GRIA2: variants seen among roughly 807,000 people sequenced by gnomAD.
GRIA2 encodes the protein glutamate ionotropic receptor AMPA type subunit 2.
GRIA2 carries 14 observed loss-of-function variants against 97.3 expected under a neutral mutation model. The ratio of observed to expected loss-of-function variants is 0.14; its 90% CI spans 0.10 to 0.23. The LOEUF (loss-of-function observed/expected upper bound fraction) is 0.23. Among genes scored for constraint, GRIA2 ranks in the 10% least tolerant of loss-of-function variants. GRIA2 has a pLI of 1.00. For synonymous variants in GRIA2, 412 were observed against 387.8 expected, an observed-to-expected ratio of 1.06 and a Z score of -0.73; for missense variants, 558 against 1,069.8, an observed-to-expected ratio of 0.52 and a Z score of 6.67.
At chr4:157,257,540 T>G (rs1384828515) in intron 2 of GRIA2, among the ~76,000 whole-genome samples, 3 of 152,096 alleles carry the variant, frequency 2.0e-5, no homozygotes, top group Admixed American at 6.6e-5. Flanking sequence ...AACGAAAAAT[T>G]TCTGAAAATC....
chr4:157,362,577 C>T, intron 14 of GRIA2: 1 of 605,236 alleles, frequency 1.7e-6, no homozygotes, highest in South Asian at 1.8e-5. Context: ...TTATTCCCTG[C>T]AGGTAGTCGA....
chr4:157,256,199 T>G (rs1561013124), intron 2 of GRIA2, among the ~76,000 whole-genome samples: 1 of 135,288 alleles, frequency 7.4e-6, no homozygotes, highest in Non-Finnish European at 1.5e-5. Flanking sequence ...TAACATATAT[T>G]ACATATATAT....
At chr4:157,362,318 T>C in intron 14 of GRIA2, 1 of 448,816 alleles carries the variant, frequency 2.2e-6, no homozygotes. Context: ...GGATTGGAAA[T>C]GTGGTCAGTC....
intron 2 of GRIA2, among the ~76,000 whole-genome samples, chr4:157,263,808 C>T (rs1215015405): frequency 6.6e-6 from 1 of 152,046 alleles, no homozygotes; most frequent in Non-Finnish European, 1.5e-5. Flanking sequence ...AGATGAAGTT[C>T]TCTTCCCCAA....
intron 12 of GRIA2, among the ~76,000 whole-genome samples, chr4:157,351,644 C>T (rs1736015234): frequency 1.3e-5 from 2 of 152,120 alleles, no homozygotes; most frequent in Admixed American, 6.5e-5. Flanking sequence ...GAATTGCAAT[C>T]CCTATAATCC....
intron 3 of GRIA2, among the ~76,000 whole-genome samples, chr4:157,310,964 T>C (rs1032760069): frequency 3.3e-5 from 5 of 152,084 alleles, no homozygotes; most frequent in Non-Finnish European, 7.4e-5. Context: ...GTGGGTTGAA[T>C]ATTATCATTT....
At chr4:157,255,947 G>A (rs193288535) in intron 2 of GRIA2, among the ~76,000 whole-genome samples, 157 of 150,676 alleles carry the variant, frequency 1.0e-3, no homozygotes, top group Non-Finnish European at 1.8e-3. Context: ...AAAATAAAAC[G>A]TCAATGAGAT....
intron 2 of GRIA2, among the ~76,000 whole-genome samples, chr4:157,297,112 T>C (rs1026354819): frequency 2.0e-5 from 3 of 152,030 alleles, no homozygotes; most frequent in Admixed American, 1.3e-4. Flanking sequence ...TGAAGGAGGC[T>C]TTTTGAGAGG....
intron 2 of GRIA2, among the ~76,000 whole-genome samples, chr4:157,280,590 A>T (rs996394966): frequency 6.6e-6 from 1 of 151,910 alleles, no homozygotes; most frequent in African/African-American, 2.4e-5. Context: ...TCTGTTAGTG[A>T]GTCAGCTGGG....
At chr4:157,334,186 T>A (rs2126935252) in intron 9 of GRIA2, 66 bp downstream of exon 9, 1 of 797,548 alleles carries the variant, frequency 1.3e-6, no homozygotes, top group Non-Finnish European at 2.2e-6. Flanking sequence ...CAGGAGTAGC[T>A]ATTTATATTT....
At chr4:157,251,492 T>C (rs1400734767) in intron 2 of GRIA2, among the ~76,000 whole-genome samples, 1 of 152,138 alleles carries the variant, frequency 6.6e-6, no homozygotes, top group Non-Finnish European at 1.5e-5. Context: ...CACTGGAGTC[T>C]GTACAGTTAA....
At chr4:157,339,128 G>A (rs1282440899) in intron 11 of GRIA2, among the ~76,000 whole-genome samples, 1 of 151,820 alleles carries the variant, frequency 6.6e-6, no homozygotes, top group Non-Finnish European at 1.5e-5. Context: ...GTCTCATGAA[G>A]AATAGAATCA....
chr4:157,363,084 C>T (rs752627162), intron 15 of GRIA2, 37 bp downstream of exon 15: 16 of 1,566,000 alleles, frequency 1.0e-5, no homozygotes, highest in Middle Eastern at 1.7e-4. Flanking sequence ...TTTTAGTGCA[C>T]GTTTAGCTTT....
intron 2 of GRIA2, among the ~76,000 whole-genome samples, chr4:157,298,667 G>A (rs1019380485): frequency 6.8e-5 from 6 of 87,960 alleles, no homozygotes; most frequent in Non-Finnish European, 1.0e-4. Flanking sequence ...AGATTTGAAC[G>A]TTATATTTTA....
chr4:157,341,122 C>A, intron 11 of GRIA2, 142 bp from the exon 12 acceptor site: 1 of 626,654 alleles, frequency 1.6e-6, no homozygotes, highest in Non-Finnish European at 2.8e-6. Context: ...TAATGATTTC[C>A]AGTTTCATTA....
Position 157,355,993 on chromosome 4 carries a change from A to G in GRIA2, c.2044-3903A>G, listed in dbSNP as rs1309464462. On this transcript the variant is annotated intron_variant, in intron 12 of 15. Coordinates refer to ENST00000264426, the MANE Select transcript of GRIA2 (RefSeq NM_001083619.3). The stretch of plus-strand genomic sequence containing the variant: ...TTAATATATATATTTATATATTTAT[A>G]TATATTTATATATGTATTTATATAT... Among the ~76,000 whole-genome samples, 352 of 103,676 alleles carry G rather than the reference A, an allele frequency of 3.4e-3. 13 individuals are homozygous for G. The highest frequency in any genetic ancestry group is 0.013 in the African/African-American group (329 of 25,328). 68.0% of individuals were successfully genotyped at this position (103,676 alleles called of 152,430 possible). A position where few individuals can be genotyped will look rare whatever the true frequency, so the allele number is the denominator to read the frequency against.
intron 6 of GRIA2, among the ~76,000 whole-genome samples, chr4:157,332,595 T>C (rs1299542101): frequency 6.6e-6 from 1 of 151,922 alleles, no homozygotes; most frequent in Non-Finnish European, 1.5e-5. Flanking sequence ...ACAGCTGAGA[T>C]ATTAACATAA....
intron 2 of GRIA2, among the ~76,000 whole-genome samples, chr4:157,256,226 A>AACATATATTACATACATATGTTATATATT (rs1554007393): frequency 8.3e-6 from 1 of 119,872 alleles, no homozygotes; most frequent in African/African-American, 3.4e-5. Flanking sequence ...TATAATATAT[A>AACATATATTACATACATATGTTATATATT]ATATATAATA....
At chr4:157,305,744 C>T (rs1473030716) in intron 3 of GRIA2, among the ~76,000 whole-genome samples, 2 of 152,114 alleles carry the variant, frequency 1.3e-5, no homozygotes, top group African/African-American at 4.8e-5. Flanking sequence ...TCAAAGCAAT[C>T]TCTTTTCCTT....
Sources: allele counts gnomAD v4.1 joint callset (sites outside exome capture counted in the v4.1 genomes callset), GRCh38; gene constraint gnomAD v4.1.1; transcripts MANE v1.5; gene names NCBI Gene and HGNC (gene_info 2026-07-23, HGNC 2026-07-21).